Variants in TRDN observed in about 807,000 individuals in gnomAD.
TRDN encodes triadin in skeletal muscle.
Under a neutral mutation model 149.7 loss-of-function variants are expected in TRDN, and 161 were observed. That is an observed-to-expected ratio of 1.08 (90% CI 0.95 to 1.23). TRDN has a LOEUF of 1.23. Ranked by LOEUF, TRDN falls within the 50% of genes most tolerant of loss-of-function variation. TRDN has a pLI of 0.00. For synonymous variants in TRDN, 294 were observed against 250.5 expected, an observed-to-expected ratio of 1.17 and a Z score of -1.64; for missense variants, 896 against 823.5, an observed-to-expected ratio of 1.09 and a Z score of -1.08.
At chr6:123,627,917 C>T (rs544024924) in intron 1 of TRDN, among the ~76,000 whole-genome samples, 10 of 152,258 alleles carry the variant, frequency 6.6e-5, no homozygotes, top group Admixed American at 2.0e-4. Context: ...GCTTCCTTAC[C>T]TCTCCACATC....
intron 9 of TRDN, among the ~76,000 whole-genome samples, chr6:123,494,900 A>AT (rs1778375169): frequency 1.3e-5 from 2 of 151,684 alleles, no homozygotes; most frequent in South Asian, 4.2e-4. Flanking sequence ...AACCTGGCTA[A>AT]TTTTTGTATT....
chr6:123,308,969 A>C (rs1185245168), intron 24 of TRDN, among the ~76,000 whole-genome samples: 8 of 152,038 alleles, frequency 5.3e-5, no homozygotes, highest in African/African-American at 1.9e-4. Context: ...TTTGAAAGTA[A>C]TCAATGTTAA....
chr6:123,256,147 T>C (rs1436289905), intron 35 of TRDN, among the ~76,000 whole-genome samples: 8 of 152,110 alleles, frequency 5.3e-5, no homozygotes, highest in Admixed American at 5.2e-4. Flanking sequence ...TGCCCATGTG[T>C]TCTCATTGCT....
At chr6:123,616,085 T>C (rs963122424) in intron 1 of TRDN, among the ~76,000 whole-genome samples, 5 of 152,156 alleles carry the variant, frequency 3.3e-5, no homozygotes, top group Non-Finnish European at 5.9e-5. Flanking sequence ...GGGCAGTGGC[T>C]GAAGCCTATA....
chr6:123,591,000 T>TA (rs1453529616), intron 1 of TRDN, among the ~76,000 whole-genome samples: 1 of 152,148 alleles, frequency 6.6e-6, no homozygotes, highest in African/African-American at 2.4e-5. Context: ...AAAATTATAA[T>TA]AAAATATGTC....
chr6:123,462,037 C>T (rs1419893540), intron 10 of TRDN, among the ~76,000 whole-genome samples: 1 of 151,958 alleles, frequency 6.6e-6, no homozygotes, highest in Non-Finnish European at 1.5e-5. Context: ...CAGTTATATC[C>T]ATAATTAAAT....
rs539743603 is a variant in TRDN, at chr6:123,548,469, C to T, written c.376G>A (p.Glu126Lys). ...TTCTTTGTACCTTTATCAGTATCTTCGTCACCATCATCATCTTCTTCATCT... is the reference window on the plus strand; with the variant it reads ...TTCTTTGTACCTTTATCAGTATCTTTGTCACCATCATCATCTTCTTCATCT... ...SEDEEDDDGD[E>K]DTDKGEIDEP... Residue 126 changes from glutamate (E) to lysine (K), a missense_variant, in exon 3 of 41, where the codon GAA becomes AAA. By Grantham distance (56) the Glu-to-Lys change is moderately conservative. Coordinates refer to ENST00000334268, the MANE Select transcript of TRDN (RefSeq NM_006073.4). 4.7e-5 allele frequency: 74 copies of T among 1,566,930 alleles called. No individual in the cohort carries two copies. Among genetic ancestry groups the T allele is most frequent in the East Asian group, 1.4e-4 (6 of 43,882 alleles).
At position 123,260,635 on chromosome 6, in the gene TRDN, C is replaced by G. The variant is rs766406818; in HGVS notation, c.1808G>C (p.Gly603Ala). Residue 603 changes from glycine (G) to alanine (A), a missense_variant, in exon 34 of 41, where the codon GGA becomes GCA. Coordinates refer to ENST00000334268, the MANE Select transcript of TRDN (RefSeq NM_006073.4). ...KTDKPKPTPK[G>A]TSEVTESGKK... Reference sequence around the variant, plus strand: ...ACCTGATTCTGTGACTTCTGATGTTCCTTCTTTAGAAAAAAAAAAAAAAAG... The same window carrying G: ...ACCTGATTCTGTGACTTCTGATGTTGCTTCTTTAGAAAAAAAAAAAAAAAG... 27 of 1,297,832 alleles carry G rather than the reference C, an allele frequency of 2.1e-5. No individual in the cohort carries two copies. The highest frequency in any genetic ancestry group is 2.7e-5 in the Non-Finnish European group (27 of 1,000,386). The allele number at this position is 1,297,832 out of a possible 1,614,324, so 80.4% of individuals were successfully genotyped here.
intron 19 of TRDN, among the ~76,000 whole-genome samples, chr6:123,366,441 G>A (rs1292090643): frequency 5.9e-5 from 9 of 152,072 alleles, no homozygotes; most frequent in African/African-American, 1.7e-4. Context: ...AAAGAAGGTG[G>A]CCTATTCCAT....
chr6:123,484,156 G>A (rs1448488910), intron 9 of TRDN, among the ~76,000 whole-genome samples: 1 of 151,836 alleles, frequency 6.6e-6, no homozygotes, highest in Non-Finnish European at 1.5e-5. Flanking sequence ...GAAAAAAAAA[G>A]CTATAGAAAA....
At chr6:123,515,325 C>T (rs1779366010) in intron 6 of TRDN, among the ~76,000 whole-genome samples, 1 of 151,784 alleles carries the variant, frequency 6.6e-6, no homozygotes, top group Admixed American at 6.6e-5. Context: ...AAGACCCAAA[C>T]AGAAATCCTA....
intron 24 of TRDN, among the ~76,000 whole-genome samples, chr6:123,282,430 A>G (rs1759991002): frequency 6.6e-6 from 1 of 151,934 alleles, no homozygotes; most frequent in Non-Finnish European, 1.5e-5. Context: ...TCTGATCCAC[A>G]TATCTGTAAA....
At chr6:123,598,914 G>A (rs1034960824) in intron 1 of TRDN, among the ~76,000 whole-genome samples, 2 of 152,040 alleles carry the variant, frequency 1.3e-5, no homozygotes, top group Admixed American at 6.6e-5. Context: ...ATCAGGCATA[G>A]GAGAGGCATA....
chr6:123,437,471 A>G (rs146057405), intron 12 of TRDN: 2 of 263,240 alleles, frequency 7.6e-6, no homozygotes, highest in Non-Finnish European at 1.4e-5. Context: ...TAGTGCAATT[A>G]TGGTGCTCAC....
At chr6:123,480,457 C>T (rs1397444590) in intron 9 of TRDN, among the ~76,000 whole-genome samples, 1 of 152,022 alleles carries the variant, frequency 6.6e-6, no homozygotes, top group African/African-American at 2.4e-5. Context: ...TATCAGTTCT[C>T]ATAAGGCGGT....
chr6:123,627,323 C>T (rs1284084640), intron 1 of TRDN, among the ~76,000 whole-genome samples: 2 of 152,144 alleles, frequency 1.3e-5, no homozygotes, highest in African/African-American at 4.8e-5. Context: ...ACGAAAACAA[C>T]ATTAATCTTT....
intron 20 of TRDN, among the ~76,000 whole-genome samples, chr6:123,365,928 G>T (rs1422046912): frequency 6.6e-6 from 1 of 152,088 alleles, no homozygotes; most frequent in Non-Finnish European, 1.5e-5. Context: ...AGCATAACTA[G>T]CTTTAATTTA....
rs374641043 is a variant in TRDN, at chr6:123,559,430, C to A, written c.233-10818G>T. 5.1e-4 allele frequency among the ~76,000 whole-genome samples: 77 copies of A among 152,242 alleles called. No individual in the cohort carries two copies. The East Asian group carries it at 9.5e-3, about 19-fold the overall frequency. On this transcript the variant is annotated intron_variant, in intron 2 of 40. Transcript: ENST00000334268. The stretch of plus-strand genomic sequence containing the variant: ...TAAATTATCTGCTTCCCTGACTATT[C>A]CTGGATTACAGCTACATCTCATTGC...
intron 12 of TRDN, chr6:123,433,930 A>G (rs1484346628): frequency 1.3e-5 from 2 of 152,204 alleles, no homozygotes; most frequent in Admixed American, 6.5e-5. Flanking sequence ...TTATAATCTA[A>G]TCAAGTAGGT....
Sources: allele counts gnomAD v4.1 joint callset (sites outside exome capture counted in the v4.1 genomes callset), GRCh38; gene constraint gnomAD v4.1.1; transcripts MANE v1.5; gene names NCBI Gene and HGNC (gene_info 2026-07-23, HGNC 2026-07-21).